CFAP96: variants seen among roughly 807,000 people sequenced by gnomAD.
CFAP96 encodes cilia and flagella associated protein 96.
At chr4:185,438,409 G>A in the CFAP96 span, among the ~76,000 whole-genome samples, 2 of 152,046 alleles carry the variant, frequency 1.3e-5, no homozygotes, top group Non-Finnish European at 1.5e-5. Context: ...CATACATTGT[G>A]GTTTTGCTCT....
chr4:185,445,368 C>A, the CFAP96 span: 75 of 783,042 alleles, frequency 9.6e-5, no homozygotes, highest in Middle Eastern at 1.2e-3. Context: ...CCATTCTGTG[C>A]ATAATTTTTA....
chr4:185,417,182 T>A, the CFAP96 span, among the ~76,000 whole-genome samples: 1 of 152,194 alleles, frequency 6.6e-6, no homozygotes, highest in African/African-American at 2.4e-5. Flanking sequence ...TCTGTGGTAT[T>A]CCTGCCAATA....
the CFAP96 span, chr4:185,415,636 T>TA: frequency 4.6e-6 from 6 of 1,308,008 alleles, no homozygotes; most frequent in African/African-American, 7.4e-5. Flanking sequence ...TAGGTATACC[T>TA]ACAGGATATA....
At chr4:185,416,844 C>A in the CFAP96 span, among the ~76,000 whole-genome samples, 2 of 152,094 alleles carry the variant, frequency 1.3e-5, no homozygotes, top group African/African-American at 4.8e-5. Context: ...TAAACCACTG[C>A]ATAAAATAAG....
the CFAP96 span, chr4:185,449,617 C>T: frequency 1.5e-4 from 234 of 1,543,750 alleles, 3 homozygotes; most frequent in South Asian, 2.7e-3. Flanking sequence ...CAAAGAACTA[C>T]AAGACTTCTT....
chr4:185,436,571 G>A, the CFAP96 span, among the ~76,000 whole-genome samples: 1 of 151,930 alleles, frequency 6.6e-6, no homozygotes, highest in African/African-American at 2.4e-5. Context: ...TTAGCCAGGT[G>A]TGGTGGCGGG....
the CFAP96 span, among the ~76,000 whole-genome samples, chr4:185,446,029 C>T: frequency 2.0e-3 from 298 of 152,082 alleles, no homozygotes; most frequent in Middle Eastern, 3.4e-3. Flanking sequence ...TTAGTAGAGA[C>T]GGAGTTTCTC....
the CFAP96 span, chr4:185,425,898 G>A: frequency 4.4e-6 from 7 of 1,593,184 alleles, no homozygotes; most frequent in African/African-American, 2.7e-5. Context: ...CACGGGCGCT[G>A]ACGCCTGCCC....
chr4:185,429,192 G>A, the CFAP96 span: 34 of 387,662 alleles, frequency 8.8e-5, no homozygotes, highest in African/African-American at 6.9e-4. Context: ...ACCCCGCAGA[G>A]TAGGTTCTTT....
the CFAP96 span, among the ~76,000 whole-genome samples, chr4:185,438,973 C>T: frequency 6.6e-6 from 1 of 152,186 alleles, no homozygotes; most frequent in African/African-American, 2.4e-5. Flanking sequence ...GAATAGTTTT[C>T]TCATACGTCT....
the CFAP96 span, among the ~76,000 whole-genome samples, chr4:185,423,735 A>C: frequency 2.0e-5 from 3 of 152,174 alleles, no homozygotes; most frequent in Non-Finnish European, 4.4e-5. Context: ...GATATATCAC[A>C]AATGACATGT....
chr4:185,416,775 C>G, the CFAP96 span, among the ~76,000 whole-genome samples: 31 of 152,314 alleles, frequency 2.0e-4, 1 homozygote, highest in Admixed American at 1.8e-3. Context: ...GAAGAAACTT[C>G]TATTGGCCAA....
chr4:185,429,056 C>G, the CFAP96 span, among the ~76,000 whole-genome samples: 3 of 152,208 alleles, frequency 2.0e-5, no homozygotes, highest in Non-Finnish European at 4.4e-5. Context: ...TTTATCATTT[C>G]CAACAGATAA....
chr4:185,416,790 T>C, the CFAP96 span, among the ~76,000 whole-genome samples: 9 of 152,290 alleles, frequency 5.9e-5, no homozygotes, highest in South Asian at 1.9e-3. Flanking sequence ...GGCCAAATCT[T>C]GGAAAATGTG....
chr4:185,421,901 C>CA, the CFAP96 span, among the ~76,000 whole-genome samples: 19 of 152,194 alleles, frequency 1.2e-4, no homozygotes, highest in African/African-American at 4.6e-4. Context: ...CTGACTCAGC[C>CA]AAATGCCTGT....
At chr4:185,431,616 G>A in the CFAP96 span, among the ~76,000 whole-genome samples, 6 of 152,122 alleles carry the variant, frequency 3.9e-5, no homozygotes, top group African/African-American at 1.2e-4. Context: ...TTCGACCTGC[G>A]CACACACTCT....
At chr4:185,443,643 C>T in the CFAP96 span, among the ~76,000 whole-genome samples, 6 of 151,756 alleles carry the variant, frequency 4.0e-5, no homozygotes, top group African/African-American at 1.4e-4. Context: ...GCCACAGTGC[C>T]TGGCCTATTT....
chr4:185,412,875 G>A, the CFAP96 span, among the ~76,000 whole-genome samples: 1 of 152,076 alleles, frequency 6.6e-6, no homozygotes, highest in African/African-American at 2.4e-5. Flanking sequence ...CTTTCTCACT[G>A]GCCTCCATGT....
chr4:185,436,712 AAATAATAAT>A, the CFAP96 span, among the ~76,000 whole-genome samples: 25 of 144,130 alleles, frequency 1.7e-4, no homozygotes, highest in African/African-American at 4.8e-4. Flanking sequence ...TCCGTCTCAA[AAATAATAAT>A]AATAATAATA....
Sources: allele counts gnomAD v4.1 joint callset (sites outside exome capture counted in the v4.1 genomes callset), GRCh38; gene constraint gnomAD v4.1.1; transcripts MANE v1.5; gene names NCBI Gene and HGNC (gene_info 2026-07-23, HGNC 2026-07-21).